The following PTPRM variants were observed in gnomAD, a reference collection of about 807,000 sequenced individuals.
PTPRM encodes the protein protein tyrosine phosphatase receptor type M.
PTPRM carries 47 observed loss-of-function variants against 186.7 expected under a neutral mutation model. The ratio of observed to expected loss-of-function variants is 0.25; its 90% CI spans 0.20 to 0.32. The LOEUF is 0.32. Among genes scored for constraint, PTPRM ranks in the 10% least tolerant of loss-of-function variants. The pLI is 1.00. For missense variants in PTPRM, 1,494 were observed against 1,865.0 expected (o/e 0.80, Z 3.66); for synonymous variants, 668 against 674.9 (o/e 0.99, Z 0.16).
At chr18:8,011,159 C>T (rs1018701262) in intron 7 of PTPRM, among the ~76,000 whole-genome samples, 3 of 152,134 alleles carry the variant, frequency 2.0e-5, no homozygotes, top group Non-Finnish European at 4.4e-5. Flanking sequence ...GCCTGAAGAG[C>T]AGCAAAGGAT....
intron 2 of PTPRM, among the ~76,000 whole-genome samples, chr18:7,867,290 T>G (rs766513436): frequency 9.9e-5 from 15 of 152,188 alleles, no homozygotes; most frequent in Non-Finnish European, 1.8e-4. Flanking sequence ...TTCTTCATAG[T>G]GTCGATGTTC....
At chr18:7,811,699 G>A (rs2044526790) in intron 2 of PTPRM, among the ~76,000 whole-genome samples, 1 of 152,052 alleles carries the variant, frequency 6.6e-6, no homozygotes, top group Non-Finnish European at 1.5e-5. Flanking sequence ...AGGGAGGGAG[G>A]ATTTGTTGTC....
intron 14 of PTPRM, among the ~76,000 whole-genome samples, chr18:8,145,287 G>A (rs977664922): frequency 6.6e-6 from 1 of 152,042 alleles, no homozygotes; most frequent in African/African-American, 2.4e-5. Flanking sequence ...TGGGGTGGGG[G>A]CACTAAAAAT....
At chr18:7,838,523 GTC>G (rs1371737487) in intron 2 of PTPRM, among the ~76,000 whole-genome samples, 1 of 152,252 alleles carries the variant, frequency 6.6e-6, no homozygotes, top group Non-Finnish European at 1.5e-5. Flanking sequence ...AAAAAACAGA[GTC>G]TCTGTCTTTG....
chr18:7,597,324 T>A (rs1325823183), intron 1 of PTPRM, among the ~76,000 whole-genome samples: 1 of 152,160 alleles, frequency 6.6e-6, no homozygotes, highest in Non-Finnish European at 1.5e-5. Flanking sequence ...AGAATGCTGT[T>A]CTCTCTGTGT....
intron 2 of PTPRM, among the ~76,000 whole-genome samples, chr18:7,851,842 G>A (rs2046876416): frequency 6.6e-6 from 1 of 152,042 alleles, no homozygotes; most frequent in Admixed American, 6.5e-5. Context: ...GGTTTTTTGG[G>A]TCTCACATAG....
chr18:8,126,404 C>G (rs2092365087), intron 13 of PTPRM, among the ~76,000 whole-genome samples: 1 of 151,968 alleles, frequency 6.6e-6, no homozygotes, highest in Admixed American at 6.6e-5. Context: ...GCAAATAAAA[C>G]AAACCAATGG....
intron 3 of PTPRM, among the ~76,000 whole-genome samples, chr18:7,903,233 G>A (rs1054070367): frequency 1.3e-5 from 2 of 152,224 alleles, no homozygotes; most frequent in Non-Finnish European, 2.9e-5. Flanking sequence ...AGAGAAGAAG[G>A]AAGAGAGGAT....
chr18:7,937,415 C>T (rs1250285110), intron 5 of PTPRM, among the ~76,000 whole-genome samples: 1 of 152,186 alleles, frequency 6.6e-6, no homozygotes, highest in Admixed American at 6.5e-5. Context: ...CTGGAGCTGC[C>T]CATCCCACCA....
chr18:7,865,518 C>T lies in PTPRM; in HGVS notation c.197-22588C>T, dbSNP rs140558396. On this transcript the variant is annotated intron_variant, in intron 2 of 32. Transcript: ENST00000580170. ...ATTTGTGTATGTTGAACCAGCCTTG[C>T]ATCCCAGGGATGAAGCTGACTTGAT... 7.2e-4 allele frequency among the ~76,000 whole-genome samples: 110 copies of T among 152,278 alleles called. 3 individuals are homozygous for T. In the East Asian group the frequency reaches 0.014, roughly 20 times the overall value.
At chr18:8,245,877 T>G (rs1175647468) in intron 15 of PTPRM, among the ~76,000 whole-genome samples, 2 of 152,244 alleles carry the variant, frequency 1.3e-5, no homozygotes, top group Non-Finnish European at 2.9e-5. Flanking sequence ...GACAGGAAGT[T>G]TAATTTGGCA....
intron 14 of PTPRM, among the ~76,000 whole-genome samples, chr18:8,242,996 C>G (rs953265453): frequency 6.6e-6 from 1 of 152,206 alleles, no homozygotes; most frequent in Non-Finnish European, 1.5e-5. Context: ...TTGGTATTAT[C>G]GTGCTGTGGG....
intron 14 of PTPRM, among the ~76,000 whole-genome samples, chr18:8,242,688 T>A (rs1378905579): frequency 6.6e-6 from 1 of 152,228 alleles, no homozygotes; most frequent in Non-Finnish European, 1.5e-5. Flanking sequence ...AATGAAACCC[T>A]TCTGCCTTCA....
intron 1 of PTPRM, among the ~76,000 whole-genome samples, chr18:7,675,244 T>G (rs1423851439): frequency 6.6e-6 from 1 of 152,134 alleles, no homozygotes; most frequent in African/African-American, 2.4e-5. Flanking sequence ...GTTAGGGCCT[T>G]CCTTCTTTAA....
At chr18:8,245,962 A>G (rs963153995) in intron 15 of PTPRM, among the ~76,000 whole-genome samples, 5 of 152,222 alleles carry the variant, frequency 3.3e-5, no homozygotes, top group African/African-American at 9.6e-5. Flanking sequence ...GCAGAGGCCA[A>G]CGGAGCTTCC....
chr18:7,910,275 G>C (rs1241048355), intron 4 of PTPRM, among the ~76,000 whole-genome samples: 1 of 152,152 alleles, frequency 6.6e-6, no homozygotes, highest in Non-Finnish European at 1.5e-5. Flanking sequence ...CCCATTAATA[G>C]TCATTCTTTA....
intron 14 of PTPRM, among the ~76,000 whole-genome samples, chr18:8,204,190 T>G (rs1330965277): frequency 6.6e-6 from 1 of 152,148 alleles, no homozygotes; most frequent in Non-Finnish European, 1.5e-5. Context: ...CACTCATTAT[T>G]GAACACCTCT....
intron 5 of PTPRM, among the ~76,000 whole-genome samples, chr18:7,948,037 T>C (rs576922604): frequency 1.4e-4 from 21 of 152,098 alleles, no homozygotes; most frequent in Non-Finnish European, 2.2e-4. Context: ...CTTGGCATAA[T>C]GATCATGTAT....
chr18:8,016,472 G>A (rs2084868981), intron 7 of PTPRM, among the ~76,000 whole-genome samples: 1 of 150,124 alleles, frequency 6.7e-6, no homozygotes, highest in Admixed American at 6.6e-5. Flanking sequence ...GGCGGAGGTT[G>A]CAGTGAGCCA....
Sources: gnomAD v4.1 joint callset for allele counts (sites outside exome capture counted in the v4.1 genomes callset) on GRCh38, gnomAD v4.1.1 for gene constraint, MANE v1.5 for transcripts, NCBI Gene and HGNC (gene_info 2026-07-23, HGNC 2026-07-21) for gene names.